FBXO40: variants seen among roughly 807,000 people sequenced by gnomAD.
The protein encoded by FBXO40 is F-box protein 40.
Under a neutral mutation model 49.9 loss-of-function variants are expected in FBXO40, and 50 were observed. The ratio of observed to expected loss-of-function variants is 1.00; its 90% CI spans 0.80 to 1.27. The LOEUF (loss-of-function observed/expected upper bound fraction) is 1.27, where lower values mean the gene tolerates loss of function less well. Ranked by LOEUF, FBXO40 falls within the 50% of genes most tolerant of loss-of-function variation. FBXO40 has a pLI of 0.00. For missense variants in FBXO40, 895 were observed against 870.1 expected, an observed-to-expected ratio of 1.03 and a Z score of -0.36; for synonymous variants, 340 against 320.2, an observed-to-expected ratio of 1.06 and a Z score of -0.66.
intron 1 of FBXO40, among the ~76,000 whole-genome samples, chr3:121,610,337 C>A (rs555649792): frequency 6.6e-6 from 1 of 152,258 alleles, no homozygotes; most frequent in African/African-American, 2.4e-5. Flanking sequence ...TGTCTAAAAG[C>A]TGATTTATGG....
chr3:121,594,929 A>G (rs1340650966), intron 1 of FBXO40, among the ~76,000 whole-genome samples: 1 of 152,230 alleles, frequency 6.6e-6, no homozygotes, highest in African/African-American at 2.4e-5. Context: ...TCGCTTCTGG[A>G]ATAACTGTAT....
intron 1 of FBXO40, among the ~76,000 whole-genome samples, chr3:121,606,920 T>A (rs2048934752): frequency 6.6e-6 from 1 of 152,230 alleles, no homozygotes; most frequent in Non-Finnish European, 1.5e-5. Flanking sequence ...GGGCCATAGC[T>A]ACTTTGCAAT....
At chr3:121,603,758 G>A (rs574037378) in intron 1 of FBXO40, among the ~76,000 whole-genome samples, 71 of 151,614 alleles carry the variant, frequency 4.7e-4, no homozygotes, top group African/African-American at 1.6e-3. Flanking sequence ...TCACTCTGTC[G>A]CCCAGGCTGG....
chr3:121,599,748 A>T (rs2048892616), intron 1 of FBXO40, among the ~76,000 whole-genome samples: 2 of 133,984 alleles, frequency 1.5e-5, no homozygotes, highest in Non-Finnish European at 3.1e-5. Flanking sequence ...TTGGAGACGG[A>T]GTCTCACTCT....
intron 1 of FBXO40, among the ~76,000 whole-genome samples, chr3:121,599,458 G>C (rs1301814697): frequency 2.7e-5 from 3 of 110,730 alleles, no homozygotes; most frequent in African/African-American, 1.0e-4. Flanking sequence ...ACAGGAGCGA[G>C]ACTCTGACTC....
chr3:121,623,689 T>TC (rs2049046773), intron 3 of FBXO40, among the ~76,000 whole-genome samples: 1 of 30,104 alleles, frequency 3.3e-5, no homozygotes, highest in African/African-American at 2.3e-4. Context: ...TTTAAAGGCC[T>TC]TTTTTTTTTT....
rs370184471 is a variant in FBXO40, at chr3:121,597,660, T to C, written c.-31+4158T>C. The stretch of plus-strand genomic sequence containing the variant: ...ACCCTATTGGTTATTATAGGCCCCC[T>C]TTTTTTTTTTTTTTTTTTTGAGACA... On this transcript the variant is annotated intron_variant, in intron 1 of 3. Transcript: ENST00000338040. Among the ~76,000 whole-genome samples, 55 of 63,782 alleles carry C rather than the reference T, an allele frequency of 8.6e-4. 1 individual carries two copies. The Middle Eastern group carries it at 0.026, about 31-fold the overall frequency. The allele number at this position is 63,782 out of a possible 152,430, so 41.8% of individuals were successfully genotyped here.
intron 3 of FBXO40, among the ~76,000 whole-genome samples, chr3:121,623,933 C>T (rs2108852006): frequency 6.7e-6 from 1 of 149,488 alleles, no homozygotes; most frequent in East Asian, 2.0e-4. Flanking sequence ...GGTGATCCAC[C>T]CGCCTCGGCC....
chr3:121,615,727 TTAAG>T (rs1193048881), intron 1 of FBXO40, among the ~76,000 whole-genome samples: 2 of 152,178 alleles, frequency 1.3e-5, no homozygotes, highest in African/African-American at 4.8e-5. Context: ...AACATTATCT[TTAAG>T]TAAAAAGGGC....
At chr3:121,603,952 T>C (rs986851102) in intron 1 of FBXO40, among the ~76,000 whole-genome samples, 2 of 152,226 alleles carry the variant, frequency 1.3e-5, no homozygotes, top group Non-Finnish European at 2.9e-5. Flanking sequence ...TCTCTTGACC[T>C]GGTGATCTGC....
rs776532505 is a variant in FBXO40 at position 121,622,230 on chromosome 3, A to G, written c.801A>G (p.Lys267=). Reference sequence around the variant, plus strand: ...AAGGAGAGGGCGCTCCCAAAAAGAAAGAACCACAGGAAAATCAGAAGCAGC... The same window carrying G: ...AAGGAGAGGGCGCTCCCAAAAAGAAGGAACCACAGGAAAATCAGAAGCAGC... ...MVEGEGAPKK[K]EPQENQKQQD... is the part of the protein sequence containing the mutation. Residue 267 remains lysine, a synonymous_variant, in exon 3 of 4, where the codon AAA becomes AAG. Transcript: ENST00000338040. 8.7e-6 allele frequency: 14 copies of G among 1,614,030 alleles called. No individual in the cohort carries two copies. The highest frequency in any genetic ancestry group is 1.2e-5 in the Non-Finnish European group (14 of 1,180,036).
At chr3:121,607,180 G>A (rs1320307210) in intron 1 of FBXO40, among the ~76,000 whole-genome samples, 7 of 148,684 alleles carry the variant, frequency 4.7e-5, no homozygotes, top group East Asian at 4.1e-4. Flanking sequence ...CAGGAGAATC[G>A]CTTGAACTCA....
chr3:121,621,530 T>G lies in FBXO40; in HGVS notation c.101T>G (p.Leu34Arg). The change falls in exon 3 of 4, where the codon CTG (leucine) becomes CGG (arginine). Residue 34 changes from leucine (L) to arginine (R), a missense_variant. By Grantham distance (102) the Leu-to-Arg change is moderately radical. Transcript: ENST00000338040. ...CCTGTGGAACCCAACACCTCCTGCC[T>G]GGTAATAAGCTGCCACCTGCTCTGT... ...HIPVEPNTSC[L>R]VISCHLLCGA... 4 of 1,614,214 alleles carry G rather than the reference T, an allele frequency of 2.5e-6. No individual in the cohort carries two copies. The highest frequency in any genetic ancestry group is 3.4e-6 in the Non-Finnish European group (4 of 1,180,038).
At chr3:121,604,411 T>A (rs543102792) in intron 1 of FBXO40, among the ~76,000 whole-genome samples, 1 of 152,214 alleles carries the variant, frequency 6.6e-6, no homozygotes, top group Admixed American at 6.5e-5. Context: ...CAGTAAACCC[T>A]ACATTCCATG....
rs192390558 is a variant in FBXO40 at position 121,607,545 on chromosome 3, G to A, written c.-30-13001G>A. ...AGGATGGTCTCGATCTCCTGACCTC[G>A]TGATCCGCCCACCTCGGCCTCCCAA... On this transcript the variant is annotated intron_variant, in intron 1 of 3. Coordinates refer to ENST00000338040, the MANE Select transcript of FBXO40 (RefSeq NM_016298.4). Among the ~76,000 whole-genome samples the A allele has an allele frequency of 1.6e-3, 236 of 151,962 alleles. 1 individual carries two copies. The highest frequency in any genetic ancestry group is 5.0e-3 in the African/African-American group (207 of 41,474).
chr3:121,623,191 T>C lies in FBXO40; in HGVS notation c.1762T>C (p.Leu588=), dbSNP rs2049044023. Residue 588 remains leucine (L), a synonymous_variant, in exon 3 of 4, where the codon TTG becomes CTG. Coordinates refer to ENST00000338040, the MANE Select transcript of FBXO40 (RefSeq NM_016298.4). Reference sequence around the variant, plus strand: ...GATTTTGAAGTACATTGCTGGGTTCTTGGACAGCGTCAGCCTGGCCCAGCT... The same window carrying C: ...GATTTTGAAGTACATTGCTGGGTTCCTGGACAGCGTCAGCCTGGCCCAGCT... ...LEILKYIAGF[L]DSVSLAQLSQ... The C allele has an allele frequency of 6.2e-7, 1 of 1,614,092 alleles. No individual in the cohort carries two copies. The highest frequency in any genetic ancestry group is 8.5e-7 in the Non-Finnish European group (1 of 1,180,044).
At chr3:121,612,781 A>G (rs914128271) in intron 1 of FBXO40, among the ~76,000 whole-genome samples, 2 of 151,892 alleles carry the variant, frequency 1.3e-5, no homozygotes, top group Non-Finnish European at 2.9e-5. Context: ...TTAAAAAAAA[A>G]TTTCTCAGCC....
Position 121,622,812 on chromosome 3 carries a change from C to A in FBXO40, c.1383C>A (p.Ser461Arg). 3.7e-6 allele frequency: 6 copies of A among 1,614,168 alleles called. No homozygotes were observed. The highest frequency in any genetic ancestry group is 1.7e-5 in the Admixed American group (1 of 60,018). Residue 461 changes from serine to arginine, a missense_variant, in exon 3 of 4, where the codon AGC becomes AGA. Coordinates refer to ENST00000338040, the MANE Select transcript of FBXO40 (RefSeq NM_016298.4). ...TPGGLHVELHSECVTRRHNKS... is the reference protein window; with the variant it reads ...TPGGLHVELHRECVTRRHNKS... ...GGGGACTCCACGTGGAGCTCCACAGCGAGTGTGTGACCAGGAGACACAACA... is the reference window on the plus strand; with the variant it reads ...GGGGACTCCACGTGGAGCTCCACAGAGAGTGTGTGACCAGGAGACACAACA...
In FBXO40 at chr3:121,621,745, G is replaced by C. The variant is rs570315447; in HGVS notation, c.316G>C (p.Asp106His). 6.2e-7 allele frequency: 1 copy of C among 1,614,232 alleles called. No individual in the cohort carries two copies. The highest frequency in any genetic ancestry group is 8.5e-7 in the Non-Finnish European group (1 of 1,180,054). The change falls in exon 3 of 4, where the codon GAC becomes CAC. Residue 106 changes from aspartate (D) to histidine (H), a missense_variant. Transcript: ENST00000338040. ...SMEWNRWPNV[D>H]SETTLHENIM... ...GGAGTGGAACCGCTGGCCAAATGTG[G>C]ACTCTGAAACCACCCTTCATGAAAA...
Sources: allele counts gnomAD v4.1 joint callset (sites outside exome capture counted in the v4.1 genomes callset), GRCh38; gene constraint gnomAD v4.1.1; transcripts MANE v1.5; gene names NCBI Gene and HGNC (gene_info 2026-07-23, HGNC 2026-07-21).